OSBPL10: variants seen among roughly 807,000 people sequenced by gnomAD.
OSBPL10 encodes the protein oxysterol-binding protein-related protein 10.
A neutral mutation model predicts 81.7 loss-of-function variants in OSBPL10; 49 were observed. The ratio of observed to expected loss-of-function variants is 0.60; its 90% confidence interval spans 0.48 to 0.76. The LOEUF (loss-of-function observed/expected upper bound fraction) is 0.76. Ranked by LOEUF, OSBPL10 falls within the 30% of genes least tolerant of loss-of-function variation. The pLI, the probability that OSBPL10 is intolerant of heterozygous loss-of-function variation, is 0.00. For missense variants in OSBPL10, 923 were observed against 987.8 expected (o/e 0.93, Z 0.88); for synonymous variants, 419 against 383.6 (o/e 1.09, Z -1.08).
chr3:32,069,943 G>A (rs1481239810), intron 1 of OSBPL10, among the ~76,000 whole-genome samples: 1 of 152,208 alleles, frequency 6.6e-6, no homozygotes, highest in Non-Finnish European at 1.5e-5. Context: ...GACATGCCCT[G>A]TCTGTGTGGG....
intron 3 of OSBPL10, among the ~76,000 whole-genome samples, chr3:31,836,319 G>A (rs1209072645): frequency 1.3e-5 from 2 of 152,128 alleles, no homozygotes; most frequent in Non-Finnish European, 2.9e-5. Flanking sequence ...GTGTGCAAAT[G>A]AAAAATCGTG....
At position 31,766,988 on chromosome 3, in the gene OSBPL10, T is replaced by C. The variant is rs141959997; in HGVS notation, c.730-18868A>G. Among the ~76,000 whole-genome samples the C allele has an allele frequency of 9.0e-3, 1,364 of 152,266 alleles. 17 individuals carry two copies. Among genetic ancestry groups the C allele is most frequent in the African/African-American group, 0.021 (864 of 41,548 alleles). ...AGAATCTGCCAGGTTATAGAGGAGA[T>C]TAAAAAGAGATGAGGGCTCAATCCA... On this transcript the variant is annotated intron_variant, in intron 4 of 11. Coordinates refer to ENST00000396556, the MANE Select transcript of OSBPL10 (RefSeq NM_017784.5).
At chr3:31,930,054 C>A (rs140090852) in intron 1 of OSBPL10, among the ~76,000 whole-genome samples, 2,119 of 147,008 alleles carry the variant, frequency 0.014, 21 homozygotes, top group Middle Eastern at 0.025. Flanking sequence ...GCCTGTAATA[C>A]CAGAACTTTG....
At chr3:31,975,798 AT>A (rs1288339804) in intron 1 of OSBPL10, among the ~76,000 whole-genome samples, 8 of 152,126 alleles carry the variant, frequency 5.3e-5, no homozygotes, top group African/African-American at 9.7e-5. Context: ...ACATTTATTC[AT>A]TTTTTTATCC....
intron 4 of OSBPL10, among the ~76,000 whole-genome samples, chr3:31,799,606 A>G (rs1416974841): frequency 6.6e-6 from 1 of 152,162 alleles, no homozygotes; most frequent in African/African-American, 2.4e-5. Context: ...TCCCTGGTAC[A>G]TTATAAGCAC....
chr3:31,943,892 C>A (rs1417256855), intron 1 of OSBPL10, among the ~76,000 whole-genome samples: 1 of 143,066 alleles, frequency 7.0e-6, no homozygotes, highest in Non-Finnish European at 1.5e-5. Context: ...CACTTGAACC[C>A]AGGAAGCGGA....
At chr3:32,063,942 C>T (rs1699763627) in intron 1 of OSBPL10, 1 of 93,182 alleles carries the variant, frequency 1.1e-5, no homozygotes, top group Non-Finnish European at 2.9e-5. Flanking sequence ...TGAAAATGGA[C>T]TAATACAGTC....
chr3:31,666,770 A>C (rs1454170225), intron 10 of OSBPL10, among the ~76,000 whole-genome samples: 1 of 152,202 alleles, frequency 6.6e-6, no homozygotes, highest in Non-Finnish European at 1.5e-5. Flanking sequence ...GCATAGTAAG[A>C]GATTAATAAA....
rs140600986 is a variant in OSBPL10, at chr3:32,005,657, G to A, written n.298+40834C>T. Among the ~76,000 whole-genome samples, 1,328 of 152,132 alleles carry A rather than the reference G, an allele frequency of 8.7e-3. 18 individuals are homozygous for A. Among genetic ancestry groups the A allele is most frequent in the African/African-American group, 0.03 (1,248 of 41,498 alleles). ...GGCTGGAGTGCAGTGTCGCTGTCTCGGCTCACTGCAACCTCTGCCTCCCAG... is the reference window on the plus strand; with the variant it reads ...GGCTGGAGTGCAGTGTCGCTGTCTCAGCTCACTGCAACCTCTGCCTCCCAG... On this transcript the variant is annotated intron_variant and non_coding_transcript_variant, in intron 2 of 3. Transcript: ENST00000479173.
chr3:31,968,451 T>A (rs997709263), intron 1 of OSBPL10, among the ~76,000 whole-genome samples: 1 of 151,534 alleles, frequency 6.6e-6, no homozygotes, highest in East Asian at 1.9e-4. Flanking sequence ...TTCCATGACA[T>A]GAATCACTGC....
intron 9 of OSBPL10, 141 bp downstream of exon 9, chr3:31,670,656 G>A: frequency 2.1e-6 from 2 of 938,454 alleles, no homozygotes; most frequent in Admixed American, 2.7e-5. Flanking sequence ...TAGGGAAAAG[G>A]CATCTCTTTT....
intron 1 of OSBPL10, among the ~76,000 whole-genome samples, chr3:31,924,659 T>C (rs1228266157): frequency 6.6e-6 from 1 of 152,042 alleles, no homozygotes; most frequent in South Asian, 2.1e-4. Context: ...TTGAATTCAG[T>C]TGGATGAGGG....
In OSBPL10 at chr3:32,052,795, G is replaced by C. The variant is rs919626253; in HGVS notation, n.186-6192C>G. Among the ~76,000 whole-genome samples the C allele has an allele frequency of 2.6e-5, 4 of 151,988 alleles. No individual in the cohort carries two copies. In the South Asian group the frequency reaches 6.2e-4, roughly 24 times the overall value. ...AGGGAGGGGAACATCATACATTGGG[G>C]CCTGTCAGGAGTTGGGGGCAAGGGG... On this transcript the variant is annotated intron_variant and non_coding_transcript_variant, in intron 1 of 3. Transcript: ENST00000479173.
intron 1 of OSBPL10, chr3:32,046,642 G>A (rs11712497): frequency 0.67 from 102,343 of 152,048 alleles, 36,633 homozygotes; most frequent in South Asian, 0.84. Flanking sequence ...ACTATAAATC[G>A]TAAATGTTAA....
intron 2 of OSBPL10, among the ~76,000 whole-genome samples, chr3:32,017,734 T>C (rs1393346288): frequency 6.6e-6 from 1 of 152,216 alleles, no homozygotes; most frequent in African/African-American, 2.4e-5. Context: ...TCTCTGAGCC[T>C]CAGTTTTGTC....
chr3:31,699,064 A>G (rs1216621350), intron 7 of OSBPL10, among the ~76,000 whole-genome samples: 1 of 152,214 alleles, frequency 6.6e-6, no homozygotes. Context: ...ATGAGTGAAC[A>G]CGTTACAAAT....
intron 5 of OSBPL10, among the ~76,000 whole-genome samples, chr3:31,733,779 C>A (rs146747912): frequency 6.9e-6 from 1 of 145,352 alleles, no homozygotes; most frequent in Non-Finnish European, 1.5e-5. Flanking sequence ...TTTGGGAGGC[C>A]GAGGCGGGTA....
At chr3:31,971,287 C>T (rs1318427963) in intron 1 of OSBPL10, among the ~76,000 whole-genome samples, 2 of 151,922 alleles carry the variant, frequency 1.3e-5, no homozygotes, top group East Asian at 3.9e-4. Context: ...ATTACGGGCG[C>T]ATGCCACCAT....
At chr3:31,717,356 C>T (rs1325024571) in intron 6 of OSBPL10, among the ~76,000 whole-genome samples, 1 of 152,214 alleles carries the variant, frequency 6.6e-6, no homozygotes. Context: ...CTAGGAATAT[C>T]AGAAACAACC....
Sources: gnomAD v4.1 joint callset for allele counts (sites outside exome capture counted in the v4.1 genomes callset) on GRCh38, gnomAD v4.1.1 for gene constraint, MANE v1.5 for transcripts, NCBI Gene and HGNC (gene_info 2026-07-23, HGNC 2026-07-21) for gene names.